The following CDC42BPA variants were observed in gnomAD, a reference collection of about 807,000 sequenced individuals.
CDC42BPA encodes the protein serine/threonine-protein kinase MRCK alpha.
CDC42BPA carries 80 observed loss-of-function variants against 223.5 expected under a neutral mutation model. The ratio of observed to expected loss-of-function variants is 0.36; its 90% CI spans 0.30 to 0.43. CDC42BPA has a LOEUF of 0.43. CDC42BPA is among the 20% of genes least tolerant of loss of function. The pLI, the probability that CDC42BPA is intolerant of heterozygous loss-of-function variation, is 1.00. For synonymous variants in CDC42BPA, 694 were observed against 718.6 expected (o/e 0.97, Z 0.55); for missense variants, 1,743 against 2,099.9 (o/e 0.83, Z 3.32).
At chr1:227,182,697 T>C (rs1409828643) in intron 5 of CDC42BPA, among the ~76,000 whole-genome samples, 1 of 152,182 alleles carries the variant, frequency 6.6e-6, no homozygotes, top group Admixed American at 6.5e-5. Context: ...GGATGCCTAA[T>C]TGGCTGGTAA....
chr1:227,316,701 T>C (rs1359720190), intron 1 of CDC42BPA, among the ~76,000 whole-genome samples: 1 of 152,196 alleles, frequency 6.6e-6, no homozygotes, highest in Admixed American at 6.5e-5. Flanking sequence ...CTGTAACCAA[T>C]AATCCACTTT....
At chr1:227,137,013 A>G (rs1658693590) in intron 10 of CDC42BPA, among the ~76,000 whole-genome samples, 1 of 152,152 alleles carries the variant, frequency 6.6e-6, no homozygotes. Flanking sequence ...CTTAAAATTA[A>G]TGAGTAAAGA....
chr1:227,151,855 G>C (rs1212873548), intron 6 of CDC42BPA, among the ~76,000 whole-genome samples: 2 of 119,194 alleles, frequency 1.7e-5, no homozygotes, highest in African/African-American at 6.6e-5. Context: ...GACCAACCTG[G>C]CCAAGAGGTC....
chr1:227,005,178 A>G (rs899898725), intron 34 of CDC42BPA, 67 bp from the exon 35 acceptor site: 1 of 993,766 alleles, frequency 1.0e-6, no homozygotes, highest in Non-Finnish European at 1.6e-6. Flanking sequence ...AGAGATGTCT[A>G]TTTTTCACTA....
chr1:227,248,793 A>T (rs1234849603), intron 2 of CDC42BPA, among the ~76,000 whole-genome samples: 1 of 152,192 alleles, frequency 6.6e-6, no homozygotes, highest in Non-Finnish European at 1.5e-5. Flanking sequence ...GAGGACACAA[A>T]AAACTGAAAA....
chr1:227,005,793 T>A (rs576977240), intron 34 of CDC42BPA, among the ~76,000 whole-genome samples: 1 of 152,356 alleles, frequency 6.6e-6, no homozygotes, highest in African/African-American at 2.4e-5. Context: ...ATTTACCTAC[T>A]CCTTATTGAT....
chr1:227,297,193 T>C (rs1182131921), intron 1 of CDC42BPA, among the ~76,000 whole-genome samples: 1 of 152,206 alleles, frequency 6.6e-6, no homozygotes, highest in Non-Finnish European at 1.5e-5. Context: ...AGCTGCTCGT[T>C]ATCAGTAATT....
chr1:227,086,987 A>G (rs982356443), intron 16 of CDC42BPA, among the ~76,000 whole-genome samples: 8 of 152,170 alleles, frequency 5.3e-5, no homozygotes, highest in Admixed American at 1.3e-4. Flanking sequence ...AGTTCTTTAC[A>G]TATTATGAAT....
At chr1:227,255,921 C>T (rs894646688) in intron 1 of CDC42BPA, among the ~76,000 whole-genome samples, 1 of 152,070 alleles carries the variant, frequency 6.6e-6, no homozygotes, top group Admixed American at 6.6e-5. Context: ...ATCAAAATTA[C>T]AATGGCATTA....
chr1:227,074,278 C>A lies in CDC42BPA; in HGVS notation c.2567G>T (p.Ser856Ile). ...GCTTACTGTTGCTCGTGTACCCAAG[C>A]TGGAATTTCTTAATGCCTCCAATTC... ...TEELEALRNS[S>I]LGTRATDMPW... The change falls in exon 18 of 37, where the codon AGC becomes ATC. Residue 856 changes from serine to isoleucine, a missense_variant. By Grantham distance (142) the Ser-to-Ile change is moderately radical (BLOSUM62 -2). Transcript: ENST00000366766. 1.2e-6 allele frequency: 2 copies of A among 1,613,228 alleles called. No homozygotes were observed. The highest frequency in any genetic ancestry group is 1.7e-6 in the Non-Finnish European group (2 of 1,179,328).
chr1:227,132,751 G>T (rs1469956555), intron 10 of CDC42BPA, among the ~76,000 whole-genome samples: 1 of 147,430 alleles, frequency 6.8e-6, no homozygotes, highest in Non-Finnish European at 1.5e-5. Flanking sequence ...CCCGCCCATC[G>T]TCTGGGATGT....
chr1:227,026,745 GAAT>G (rs1161226648), intron 30 of CDC42BPA, among the ~76,000 whole-genome samples: 3 of 152,090 alleles, frequency 2.0e-5, no homozygotes, highest in African/African-American at 7.2e-5. Context: ...CTCTACATTA[GAAT>G]AATCATAATT....
intron 21 of CDC42BPA, among the ~76,000 whole-genome samples, chr1:227,063,124 TTTTATG>T (rs1205472832): frequency 6.6e-6 from 1 of 152,166 alleles, no homozygotes; most frequent in Non-Finnish European, 1.5e-5. Flanking sequence ...TTTCAACTAT[TTTTATG>T]TTTTCAACAG....
intron 1 of CDC42BPA, among the ~76,000 whole-genome samples, chr1:227,301,392 A>T (rs1466400992): frequency 6.7e-6 from 1 of 149,282 alleles, no homozygotes; most frequent in African/African-American, 2.5e-5. Flanking sequence ...ACGAAGTCTC[A>T]CTCTGTCGCC....
chr1:227,250,672 AT>A (rs1038020956), intron 2 of CDC42BPA, among the ~76,000 whole-genome samples: 1 of 151,342 alleles, frequency 6.6e-6, no homozygotes, highest in South Asian at 2.1e-4. Context: ...ATATACTTCA[AT>A]TTTTTTTAAT....
At chr1:227,027,321 G>C (rs1430617262) in intron 30 of CDC42BPA, among the ~76,000 whole-genome samples, 3 of 152,014 alleles carry the variant, frequency 2.0e-5, no homozygotes, top group East Asian at 1.9e-4. Context: ...AATGAGCATG[G>C]GTTGCCCTCC....
intron 32 of CDC42BPA, among the ~76,000 whole-genome samples, chr1:227,019,744 A>G (rs1190287201): frequency 6.6e-6 from 1 of 152,178 alleles, no homozygotes; most frequent in African/African-American, 2.4e-5. Context: ...TGCATTGTCA[A>G]TGAGCAGTAA....
At chr1:227,264,677 A>C (rs1684682626) in intron 1 of CDC42BPA, 1 of 601,458 alleles carries the variant, frequency 1.7e-6, no homozygotes, top group Admixed American at 2.7e-5. Context: ...AAAATTTTTT[A>C]ATTTCAAGGT....
intron 5 of CDC42BPA, among the ~76,000 whole-genome samples, chr1:227,164,893 T>C (rs1220159219): frequency 6.6e-6 from 1 of 152,198 alleles, no homozygotes; most frequent in African/African-American, 2.4e-5. Flanking sequence ...ATAAATAATC[T>C]TATGTTATAT....
Sources: gnomAD v4.1 joint callset for allele counts (sites outside exome capture counted in the v4.1 genomes callset) on GRCh38, gnomAD v4.1.1 for gene constraint, MANE v1.5 for transcripts, NCBI Gene and HGNC (gene_info 2026-07-23, HGNC 2026-07-21) for gene names.